Variants in STK39 observed in about 807,000 individuals in gnomAD.
The protein encoded by STK39 is serine/threonine kinase 39.
Under a neutral mutation model 77.8 loss-of-function variants are expected in STK39, and 20 were observed. The observed-to-expected ratio is 0.26, with a 90% CI of 0.18 to 0.37. The LOEUF (loss-of-function observed/expected upper bound fraction) is 0.37, where lower values mean the gene tolerates loss of function less well. Ranked by LOEUF, STK39 falls within the 10% of genes least tolerant of loss-of-function variation. The pLI, the probability that STK39 is intolerant of heterozygous loss-of-function variation, is 1.00. For missense variants in STK39, 479 were observed against 656.5 expected (o/e 0.73, Z 2.95); for synonymous variants, 246 against 234.1 (o/e 1.05, Z -0.47).
In STK39 at chr2:168,129,417, C is replaced by T. The variant is rs570631404; in HGVS notation, c.1089+124G>A. The stretch of plus-strand genomic sequence containing the variant: ...GCAAATGCAGTTATCTGAGTAATCA[C>T]TAATGAGATATAGCGTCTGAATAGT... On this transcript the variant is annotated intron_variant, in intron 10 of 17. Transcript: ENST00000355999. The T allele has an allele frequency of 5.8e-6, 6 of 1,041,300 alleles. No homozygotes were observed. In the South Asian group the frequency reaches 7.9e-5, roughly 14 times the overall value. 64.5% of individuals were successfully genotyped at this position (1,041,300 alleles called of 1,614,324 possible).
chr2:168,031,856 C>G (rs1480397230), intron 14 of STK39, among the ~76,000 whole-genome samples: 1 of 152,164 alleles, frequency 6.6e-6, no homozygotes, highest in African/African-American at 2.4e-5. Flanking sequence ...AACTAATATA[C>G]TATCTGATTC....
Position 168,080,933 on chromosome 2 carries a change from GA to G in STK39, c.1090-5703del, listed in dbSNP as rs1686213485. 2.6e-5 allele frequency among the ~76,000 whole-genome samples: 4 copies of G among 152,360 alleles called. No individual in the cohort carries two copies. In the South Asian group the frequency reaches 8.3e-4, roughly 32 times the overall value. On this transcript the variant is annotated intron_variant, in intron 10 of 17. Coordinates refer to ENST00000355999, the MANE Select transcript of STK39 (RefSeq NM_013233.3). ...GCTTCCACATGATGTTGAGCCTGTAGATGCACAGAAGTCAAGAACTGGGAAC... is the reference window on the plus strand; with the variant it reads ...GCTTCCACATGATGTTGAGCCTGTAGTGCACAGAAGTCAAGAACTGGGAAC...
intron 16 of STK39, among the ~76,000 whole-genome samples, chr2:168,001,460 A>T (rs1223556990): frequency 1.3e-5 from 2 of 152,062 alleles, no homozygotes; most frequent in African/African-American, 4.8e-5. Context: ...TGCTAAACTT[A>T]AGTAGTGCAA....
intron 1 of STK39, among the ~76,000 whole-genome samples, chr2:168,210,440 C>T (rs1008788715): frequency 6.6e-6 from 1 of 152,170 alleles, no homozygotes; most frequent in African/African-American, 2.4e-5. Flanking sequence ...TTGCAAACTT[C>T]ATTATCAGTT....
chr2:168,245,018 G>A (rs1006686674), intron 1 of STK39, among the ~76,000 whole-genome samples: 2 of 152,170 alleles, frequency 1.3e-5, no homozygotes, highest in African/African-American at 4.8e-5. Flanking sequence ...GGCAACGTTT[G>A]TATTTTAACC....
chr2:168,107,955 TATGGTCA>T (rs965679104), intron 10 of STK39, among the ~76,000 whole-genome samples: 1 of 152,216 alleles, frequency 6.6e-6, no homozygotes, highest in Non-Finnish European at 1.5e-5. Context: ...TCTCAACGTG[TATGGTCA>T]AATCATTTCC....
At chr2:167,997,369 A>C (rs1209367761) in intron 16 of STK39, among the ~76,000 whole-genome samples, 1 of 152,072 alleles carries the variant, frequency 6.6e-6, no homozygotes, top group Non-Finnish European at 1.5e-5. Flanking sequence ...GTTTGATAGG[A>C]GGCCAGGTGA....
intron 10 of STK39, among the ~76,000 whole-genome samples, chr2:168,101,984 T>C (rs898497563): frequency 6.6e-6 from 1 of 152,176 alleles, no homozygotes; most frequent in Non-Finnish European, 1.5e-5. Flanking sequence ...AATCTACTTC[T>C]ATCTCTATGG....
At chr2:168,235,888 T>A (rs1377453600) in intron 1 of STK39, among the ~76,000 whole-genome samples, 1 of 152,182 alleles carries the variant, frequency 6.6e-6, no homozygotes, top group Non-Finnish European at 1.5e-5. Context: ...AAGTCTTTGC[T>A]ACTGTGAATA....
At chr2:168,067,332 A>T (rs1162855873) in intron 12 of STK39, among the ~76,000 whole-genome samples, 1 of 152,176 alleles carries the variant, frequency 6.6e-6, no homozygotes, top group African/African-American at 2.4e-5. Flanking sequence ...TCCCTTGGTG[A>T]TAAGTGAGTT....
At chr2:168,061,645 TAC>T (rs1253462399) in intron 14 of STK39, among the ~76,000 whole-genome samples, 4 of 152,112 alleles carry the variant, frequency 2.6e-5, no homozygotes, top group African/African-American at 7.2e-5. Flanking sequence ...CAAAGGCAGA[TAC>T]AGACTAAATA....
At chr2:168,018,529 A>G (rs907157149) in intron 14 of STK39, among the ~76,000 whole-genome samples, 988 of 80,594 alleles carry the variant, frequency 0.012, 15 homozygotes, top group African/African-American at 0.068. Flanking sequence ...GAAAAGAAAG[A>G]AAAGAAAGAA....
intron 10 of STK39, among the ~76,000 whole-genome samples, chr2:168,098,142 C>G (rs1236455278): frequency 6.6e-6 from 1 of 152,188 alleles, no homozygotes; most frequent in Admixed American, 6.5e-5. Flanking sequence ...TCTGGAATAG[C>G]GCCTAGCTAG....
chr2:168,141,736 C>A (rs552203981), intron 5 of STK39, among the ~76,000 whole-genome samples: 2 of 152,294 alleles, frequency 1.3e-5, no homozygotes, highest in South Asian at 4.1e-4. Context: ...GCAGTCTGAG[C>A]CCCTGCAAAT....
intron 16 of STK39, among the ~76,000 whole-genome samples, chr2:167,984,357 G>C (rs1321239109): frequency 3.3e-5 from 5 of 152,204 alleles, no homozygotes; most frequent in Admixed American, 1.3e-4. Flanking sequence ...ATTCGAGAGG[G>C]AGGTGACACT....
At chr2:168,207,902 T>C (rs930167080) in intron 1 of STK39, among the ~76,000 whole-genome samples, 7 of 151,998 alleles carry the variant, frequency 4.6e-5, no homozygotes, top group African/African-American at 1.7e-4. Context: ...CACACCTTAA[T>C]AAGCAAAAGT....
intron 16 of STK39, among the ~76,000 whole-genome samples, chr2:167,966,831 T>C (rs2105537596): frequency 6.6e-6 from 1 of 152,364 alleles, no homozygotes; most frequent in African/African-American, 2.4e-5. Flanking sequence ...TTATCCCAGC[T>C]GCTAGGCTTA....
At chr2:168,004,089 G>T (rs1684064372) in intron 16 of STK39, among the ~76,000 whole-genome samples, 1 of 152,200 alleles carries the variant, frequency 6.6e-6, no homozygotes. Context: ...AGATTTTGTT[G>T]CTCCCATACT....
intron 14 of STK39, among the ~76,000 whole-genome samples, chr2:168,026,836 T>G (rs928207689): frequency 2.6e-5 from 4 of 152,294 alleles, no homozygotes; most frequent in East Asian, 1.9e-4. Flanking sequence ...ACACATTCTA[T>G]GTCAGGCCCA....
Sources: allele counts gnomAD v4.1 joint callset (sites outside exome capture counted in the v4.1 genomes callset), GRCh38; gene constraint gnomAD v4.1.1; transcripts MANE v1.5; gene names NCBI Gene and HGNC (gene_info 2026-07-23, HGNC 2026-07-21).